The following ZNF423 variants were observed in gnomAD, a reference collection of about 807,000 sequenced individuals.
ZNF423 encodes the protein Ebf-associated zinc finger protein.
A neutral mutation model predicts 95.8 loss-of-function variants in ZNF423; 12 were observed. The observed-to-expected ratio is 0.13, with a 90% CI of 0.08 to 0.20. The LOEUF (loss-of-function observed/expected upper bound fraction) is 0.20. ZNF423 is among the 10% of genes least tolerant of loss of function. ZNF423 has a pLI of 1.00. For missense variants in ZNF423, 1,316 were observed against 1,737.1 expected, an observed-to-expected ratio of 0.76 and a Z score of 4.31; for synonymous variants, 749 against 711.9, an observed-to-expected ratio of 1.05 and a Z score of -0.83.
At chr16:49,723,243 C>T (rs1451018235) in intron 3 of ZNF423, among the ~76,000 whole-genome samples, 1 of 152,084 alleles carries the variant, frequency 6.6e-6, no homozygotes. Flanking sequence ...ATTTAGGATC[C>T]CACTAGTATT....
intron 7 of ZNF423, among the ~76,000 whole-genome samples, chr16:49,511,952 G>A (rs771830152): frequency 6.6e-6 from 1 of 152,202 alleles, no homozygotes; most frequent in Non-Finnish European, 1.5e-5. Flanking sequence ...GGGCCCAACT[G>A]TGGGGCTCTG....
intron 1 of ZNF423, chr16:49,854,240 GA>G: frequency 1.0e-6 from 1 of 985,424 alleles, no homozygotes; most frequent in Non-Finnish European, 1.2e-6. Flanking sequence ...TTCTCTCAGG[GA>G]AAAGGAGGAG....
intron 2 of ZNF423, among the ~76,000 whole-genome samples, chr16:49,756,796 G>A (rs557377545): frequency 6.6e-6 from 1 of 152,342 alleles, no homozygotes; most frequent in Middle Eastern, 3.4e-3. Context: ...GATGAGTTCG[G>A]ACACTTGTGA....
At chr16:49,813,557 G>A (rs2034788958) in intron 1 of ZNF423, among the ~76,000 whole-genome samples, 1 of 152,190 alleles carries the variant, frequency 6.6e-6, no homozygotes, top group Admixed American at 6.5e-5. Context: ...GAGCCACGCA[G>A]GAGACACGGG....
chr16:49,648,567 G>T (rs561583147), intron 3 of ZNF423, among the ~76,000 whole-genome samples: 2 of 151,826 alleles, frequency 1.3e-5, no homozygotes, highest in African/African-American at 2.4e-5. Context: ...CAGGAGAATC[G>T]CTTGAACCCA....
intron 7 of ZNF423, among the ~76,000 whole-genome samples, chr16:49,498,272 A>G (rs917849260): frequency 6.6e-6 from 1 of 152,244 alleles, no homozygotes; most frequent in Non-Finnish European, 1.5e-5. Context: ...AGAGAGGCCC[A>G]GGTCCTGCCA....
rs544032706 is a variant in ZNF423 at position 49,626,112 on chromosome 16, G to C, written c.3601+58C>G. On this transcript the variant is annotated intron_variant, in intron 5 of 7. Transcript: ENST00000563137. ...AGCCAGTAAAATGATGATTGGAACC[G>C]CAAATTTAAAACCCCAAAGAGTAGC... is the stretch of plus-strand genomic sequence containing the variant. 5 of 1,559,740 alleles carry C rather than the reference G, an allele frequency of 3.2e-6. No homozygotes were observed. In the Admixed American group the frequency reaches 6.7e-5, roughly 21 times the overall value.
At position 49,535,448 on chromosome 16, in the gene ZNF423, C is replaced by T. The variant is rs369055696; in HGVS notation, c.3602-9954G>A. Among the ~76,000 whole-genome samples, 76 of 152,254 alleles carry T rather than the reference C, an allele frequency of 5.0e-4. 1 individual carries two copies. The South Asian group carries it at 9.1e-3, about 18-fold the overall frequency. On this transcript the variant is annotated intron_variant, in intron 5 of 7. Transcript: ENST00000563137. ...CTCTTTGAGCGATCAGCAATCATGA[C>T]GGGTGGTCTTTGGCAAAAGAAAAGA...
At chr16:49,499,315 C>T (rs912946757) in intron 7 of ZNF423, among the ~76,000 whole-genome samples, 4 of 152,202 alleles carry the variant, frequency 2.6e-5, no homozygotes, top group Admixed American at 6.5e-5. Flanking sequence ...TCTGCCACCC[C>T]GGAGCAGCAG....
chr16:49,510,828 C>A (rs1050151576), intron 7 of ZNF423, among the ~76,000 whole-genome samples: 8 of 152,200 alleles, frequency 5.3e-5, no homozygotes, highest in Middle Eastern at 3.2e-3. Flanking sequence ...GCTGAGGCAG[C>A]GCCGGGGAGG....
chr16:49,680,509 C>T (rs907524322), intron 3 of ZNF423, among the ~76,000 whole-genome samples: 6 of 152,198 alleles, frequency 3.9e-5, no homozygotes, highest in Admixed American at 3.9e-4. Context: ...TTCGGTGAGC[C>T]CAGACCTAGA....
chr16:49,692,574 A>G (rs2031825598), intron 3 of ZNF423, among the ~76,000 whole-genome samples: 1 of 152,220 alleles, frequency 6.6e-6, no homozygotes, highest in Non-Finnish European at 1.5e-5. Context: ...AGAAGCCTGC[A>G]GCCGCCTCGT....
chr16:49,523,114 G>C (rs1232022650), intron 7 of ZNF423, among the ~76,000 whole-genome samples: 1 of 152,138 alleles, frequency 6.6e-6, no homozygotes, highest in Non-Finnish European at 1.5e-5. Flanking sequence ...TCCCTTACCT[G>C]AGGGCCACAT....
intron 2 of ZNF423, among the ~76,000 whole-genome samples, chr16:49,786,321 G>A (rs1410663362): frequency 6.6e-6 from 1 of 152,230 alleles, no homozygotes; most frequent in African/African-American, 2.4e-5. Flanking sequence ...GGTGGCCAGG[G>A]GAGGCCAGGG....
chr16:49,529,275 C>T (rs1360480457), intron 5 of ZNF423, among the ~76,000 whole-genome samples: 2 of 151,550 alleles, frequency 1.3e-5, no homozygotes, highest in East Asian at 1.9e-4. Context: ...CCCCATAAGT[C>T]GAGGCTGGCA....
intron 1 of ZNF423, among the ~76,000 whole-genome samples, chr16:49,839,009 A>G (rs1330924373): frequency 6.6e-6 from 1 of 150,838 alleles, no homozygotes; most frequent in African/African-American, 2.4e-5. Context: ...GGGCGGGAAG[A>G]GCCCCGAGGC....
chr16:49,529,265 C>T (rs1328483662), intron 5 of ZNF423, among the ~76,000 whole-genome samples: 1 of 151,876 alleles, frequency 6.6e-6, no homozygotes, highest in Non-Finnish European at 1.5e-5. Context: ...GCCTCCTGTT[C>T]CCCATAAGTC....
chr16:49,509,054 ACT>A (rs1167940298), intron 7 of ZNF423, among the ~76,000 whole-genome samples: 1 of 152,042 alleles, frequency 6.6e-6, no homozygotes, highest in Non-Finnish European at 1.5e-5. Flanking sequence ...CAGAAACTGG[ACT>A]CTCTGCTCTT....
chr16:49,691,321 C>T (rs991082809), intron 3 of ZNF423, among the ~76,000 whole-genome samples: 19 of 152,234 alleles, frequency 1.2e-4, no homozygotes, highest in East Asian at 1.9e-4. Context: ...TGACCAAGAA[C>T]TTGGGCTGTT....
Sources: allele counts gnomAD v4.1 joint callset (sites outside exome capture counted in the v4.1 genomes callset), GRCh38; gene constraint gnomAD v4.1.1; transcripts MANE v1.5; gene names NCBI Gene and HGNC (gene_info 2026-07-23, HGNC 2026-07-21).